Variants in CTNNA3 observed in about 807,000 individuals in gnomAD.
The protein encoded by CTNNA3 is catenin alpha-3.
In CTNNA3, 76 loss-of-function variants were observed where a neutral mutation model predicts 95.7. That is an observed-to-expected ratio of 0.79 (90% CI 0.66 to 0.96). The LOEUF is 0.96. Ranked by LOEUF, CTNNA3 falls within the 40% of genes least tolerant of loss-of-function variation. The pLI is 0.00. For synonymous variants in CTNNA3, 431 were observed against 374.4 expected (o/e 1.15, Z -1.74); for missense variants, 1,191 against 1,089.8 (o/e 1.09, Z -1.31).
chr10:67,700,885 T>A (rs886078345), upstream of CTNNA3, among the ~76,000 whole-genome samples: 4 of 152,074 alleles, frequency 2.6e-5, no homozygotes, highest in Non-Finnish European at 1.5e-5. Flanking sequence ...TGAAAAAAAT[T>A]TAGACGAATA....
chr10:66,270,156 T>C (rs1164836397), intron 13 of CTNNA3, among the ~76,000 whole-genome samples: 1 of 150,952 alleles, frequency 6.6e-6, no homozygotes, highest in Non-Finnish European at 1.5e-5. Context: ...TGATTACATT[T>C]TGAACAAATG....
At chr10:66,743,308 T>A (rs980734218) in intron 9 of CTNNA3, among the ~76,000 whole-genome samples, 1 of 152,172 alleles carries the variant, frequency 6.6e-6, no homozygotes, top group African/African-American at 2.4e-5. Flanking sequence ...GGAAAAACCC[T>A]TAGAATTAGA....
At chr10:67,020,660 G>A (rs1039291060) in intron 7 of CTNNA3, among the ~76,000 whole-genome samples, 1 of 152,122 alleles carries the variant, frequency 6.6e-6, no homozygotes, top group Non-Finnish European at 1.5e-5. Context: ...AAAATGGAAT[G>A]GAAAATTCAG....
chr10:66,691,772 G>A (rs966781459), intron 9 of CTNNA3, among the ~76,000 whole-genome samples: 1 of 152,130 alleles, frequency 6.6e-6, no homozygotes, highest in African/African-American at 2.4e-5. Context: ...AACTTCCAGA[G>A]GAACGATCAG....
intron 9 of CTNNA3, among the ~76,000 whole-genome samples, chr10:66,679,976 G>A (rs4746629): frequency 0.55 from 84,215 of 151,936 alleles, 24,088 homozygotes; most frequent in African/African-American, 0.68. Context: ...CTCATAAGAA[G>A]AGCATTCACC....
At chr10:66,242,663 C>A (rs748886532) in intron 13 of CTNNA3, among the ~76,000 whole-genome samples, 1 of 152,138 alleles carries the variant, frequency 6.6e-6, no homozygotes, top group Non-Finnish European at 1.5e-5. Context: ...AGTCAGAACC[C>A]TTATGTATTG....
intron 9 of CTNNA3, among the ~76,000 whole-genome samples, chr10:66,732,826 C>T (rs1849004667): frequency 1.3e-5 from 2 of 151,956 alleles, no homozygotes; most frequent in African/African-American, 4.8e-5. Flanking sequence ...AACAGATTCT[C>T]ATTCTGTTAC....
At chr10:67,623,411 C>T (rs916874615) in intron 2 of CTNNA3, among the ~76,000 whole-genome samples, 1 of 152,012 alleles carries the variant, frequency 6.6e-6, no homozygotes, top group Admixed American at 6.6e-5. Flanking sequence ...TGCTTGCTGC[C>T]TTTAGAGGGG....
intron 7 of CTNNA3, among the ~76,000 whole-genome samples, chr10:67,103,405 G>A (rs1858453458): frequency 6.6e-6 from 1 of 151,740 alleles, no homozygotes; most frequent in African/African-American, 2.4e-5. Context: ...TATCTGAAAA[G>A]TCTTAAGGCT....
intron 11 of CTNNA3, among the ~76,000 whole-genome samples, chr10:66,455,809 C>A (rs756855895): frequency 6.6e-6 from 1 of 152,186 alleles, no homozygotes; most frequent in Non-Finnish European, 1.5e-5. Flanking sequence ...ATCTTCTGAG[C>A]AAAGTCAAGA....
intron 6 of CTNNA3, among the ~76,000 whole-genome samples, chr10:67,208,485 A>C (rs1289599341): frequency 6.6e-6 from 1 of 152,148 alleles, no homozygotes; most frequent in Non-Finnish European, 1.5e-5. Flanking sequence ...AAAGAGCGGA[A>C]TGAAAATAGC....
At chr10:67,591,995 C>G (rs1842803116) in intron 3 of CTNNA3, among the ~76,000 whole-genome samples, 1 of 152,084 alleles carries the variant, frequency 6.6e-6, no homozygotes, top group Non-Finnish European at 1.5e-5. Flanking sequence ...AATCGAACTG[C>G]CAGTTCAGCA....
chr10:66,804,796 A>G (rs1201277237), intron 7 of CTNNA3, among the ~76,000 whole-genome samples: 1 of 152,064 alleles, frequency 6.6e-6, no homozygotes, highest in Non-Finnish European at 1.5e-5. Flanking sequence ...CCTGTTTAGA[A>G]AAGAGTTAAC....
rs188720486 is a variant in CTNNA3, at chr10:66,400,620, T to C, written c.1532-21268A>G. Among the ~76,000 whole-genome samples the C allele has an allele frequency of 9.7e-3, 1,473 of 152,236 alleles. 9 individuals carry two copies. Among genetic ancestry groups the C allele is most frequent in the Middle Eastern group, 0.02 (6 of 294 alleles). On this transcript the variant is annotated intron_variant, in intron 11 of 17. Transcript: ENST00000433211. ...ATGTCAATTCTATAACTGCATGTCA[T>C]AGGTAATTTGGAAACAAAATCTCTG...
chr10:66,968,119 G>GA (rs1849533802), intron 7 of CTNNA3, among the ~76,000 whole-genome samples: 1 of 151,930 alleles, frequency 6.6e-6, no homozygotes, highest in Non-Finnish European at 1.5e-5. Context: ...TCTGTTTCTA[G>GA]AAAAAACTTG....
At chr10:67,556,507 A>T (rs992332304) in intron 3 of CTNNA3, among the ~76,000 whole-genome samples, 1 of 151,972 alleles carries the variant, frequency 6.6e-6, no homozygotes, top group East Asian at 1.9e-4. Flanking sequence ...CCAGGAATTT[A>T]TCCATTTCTT....
intron 1 of CTNNA3, among the ~76,000 whole-genome samples, chr10:67,725,872 G>C (rs1335980907): frequency 1.4e-5 from 2 of 144,830 alleles, no homozygotes; most frequent in South Asian, 2.1e-4. Flanking sequence ...TTCCTCAACA[G>C]TGACTAGAAT....
chr10:66,965,513 G>A (rs1239989471), intron 7 of CTNNA3, among the ~76,000 whole-genome samples: 4 of 145,830 alleles, frequency 2.7e-5, no homozygotes, highest in African/African-American at 7.6e-5. Flanking sequence ...CCAGCCTGGC[G>A]ACAGAGCAAG....
chr10:67,534,624 C>T (rs1193205461), intron 4 of CTNNA3, among the ~76,000 whole-genome samples: 1 of 152,116 alleles, frequency 6.6e-6, no homozygotes, highest in Non-Finnish European at 1.5e-5. Flanking sequence ...GTAAGGTTTA[C>T]TACATTCATG....
Sources: gnomAD v4.1 joint callset for allele counts (sites outside exome capture counted in the v4.1 genomes callset) on GRCh38, gnomAD v4.1.1 for gene constraint, MANE v1.5 for transcripts, NCBI Gene and HGNC (gene_info 2026-07-23, HGNC 2026-07-21) for gene names.